SLC9A8: variants seen among roughly 807,000 people sequenced by gnomAD.
The protein encoded by SLC9A8 is solute carrier family 9 member A8.
In SLC9A8, 48 loss-of-function variants were observed where a neutral mutation model predicts 66.6. The ratio of observed to expected loss-of-function variants is 0.72; its 90% CI spans 0.57 to 0.92. The LOEUF is 0.92. Ranked by LOEUF, SLC9A8 falls within the 40% of genes least tolerant of loss-of-function variation. The probability of loss-of-function intolerance (pLI) is 0.00; values close to 1 mark genes in which losing one functional copy is unlikely to be tolerated. For missense variants in SLC9A8, 599 were observed against 747.3 expected (o/e 0.80, Z 2.31); for synonymous variants, 274 against 282.6 (o/e 0.97, Z 0.31).
Position 49,890,909 on chromosome 20 carries a change from TG to T in SLC9A8, c.*2974del, listed in dbSNP as rs1332971300. The T allele has an allele frequency of 6.6e-6, 1 of 152,244 alleles. No individual in the cohort carries two copies. The highest frequency in any genetic ancestry group is 2.4e-5 in the African/African-American group (1 of 41,470). The allele number at this position is 152,244 out of a possible 1,614,324, so 9.4% of individuals were successfully genotyped here. On this transcript the variant is annotated 3_prime_UTR_variant, in exon 16 of 16. Coordinates refer to ENST00000361573, the MANE Select transcript of SLC9A8 (RefSeq NM_015266.3). ...CCCAGGTTAGCCCACAGGATTCCTTTGTGTGCCATGGAATGCTGAAAGATGG... is the reference window on the plus strand; with the variant it reads ...CCCAGGTTAGCCCACAGGATTCCTTTTGTGCCATGGAATGCTGAAAGATGG...
intron 2 of SLC9A8, among the ~76,000 whole-genome samples, chr20:49,818,818 A>T (rs999808122): frequency 6.6e-6 from 1 of 152,198 alleles, no homozygotes; most frequent in East Asian, 1.9e-4. Context: ...ATGGTGTTTT[A>T]AAAATTGCTG....
At chr20:49,823,756 G>A (rs576036045) in intron 3 of SLC9A8, among the ~76,000 whole-genome samples, 38 of 152,264 alleles carry the variant, frequency 2.5e-4, no homozygotes, top group East Asian at 1.2e-3. Context: ...GGGAATTTCC[G>A]TAAGTGTAAG....
At chr20:49,851,136 G>C (rs138554121) in intron 7 of SLC9A8, among the ~76,000 whole-genome samples, 1 of 152,190 alleles carries the variant, frequency 6.6e-6, no homozygotes, top group African/African-American at 2.4e-5. Context: ...GTGTGCACGC[G>C]TACACTGTAC....
intron 4 of SLC9A8, among the ~76,000 whole-genome samples, chr20:49,842,993 T>C (rs1004197392): frequency 4.6e-5 from 7 of 152,352 alleles, no homozygotes; most frequent in Middle Eastern, 3.4e-3. Flanking sequence ...TGCCTTGTTC[T>C]GTCTCTTACA....
In SLC9A8 at chr20:49,878,057, G is replaced by A; in HGVS notation, c.1152G>A (p.Trp384Ter). 6.3e-7 allele frequency: 1 copy of A among 1,580,548 alleles called. No individual in the cohort carries two copies. Among genetic ancestry groups the A allele is most frequent in the Non-Finnish European group, 8.6e-7 (1 of 1,165,556 alleles). Residue 384 changes from tryptophan to a stop codon, truncating the protein, a stop_gained, in exon 12 of 16, where the codon TGG becomes TGA. Transcript: ENST00000361573. LOFTEE classifies it high-confidence loss of function. ...AGTTTGAAATTTCCTTTGTCATCTG[G>A]TGCATAGTAAGTATTTTCCTTTTTT... ...PHKFEISFVI[W>*]CIVLVLFGRA...
intron 12 of SLC9A8, among the ~76,000 whole-genome samples, chr20:49,879,030 A>G (rs921382275): frequency 9.2e-5 from 14 of 152,192 alleles, no homozygotes; most frequent in African/African-American, 3.4e-4. Flanking sequence ...TCTCAAAAAA[A>G]AAAAGTATAA....
At chr20:49,863,214 G>A (rs2146675122) in intron 9 of SLC9A8, 147 bp downstream of exon 9, 1 of 668,904 alleles carries the variant, frequency 1.5e-6, no homozygotes, top group Non-Finnish European at 2.4e-6. Flanking sequence ...TTTTGTTTGA[G>A]AAACACTCTA....
intron 8 of SLC9A8, among the ~76,000 whole-genome samples, chr20:49,859,731 G>C (rs1220880191): frequency 6.6e-6 from 1 of 152,172 alleles, no homozygotes; most frequent in African/African-American, 2.4e-5. Context: ...TTCATTTTCA[G>C]CTTTGATTTG....
Position 49,888,492 on chromosome 20 carries a change from C to G in SLC9A8, c.*556C>G, listed in dbSNP as rs76508797. On this transcript the variant is annotated 3_prime_UTR_variant, in exon 16 of 16. Transcript: ENST00000361573. Reference sequence around the variant, plus strand: ...CTTCCTGTGCTCCCTCAGAGAGAAACGGAGTGACCTTTTGTCCTTTACCTG... The same window carrying G: ...CTTCCTGTGCTCCCTCAGAGAGAAAGGGAGTGACCTTTTGTCCTTTACCTG... 1 of 159,096 alleles carries G rather than the reference C, an allele frequency of 6.3e-6. No individual in the cohort carries two copies. Among genetic ancestry groups the G allele is most frequent in the Non-Finnish European group, 1.4e-5 (1 of 71,416 alleles). The allele number at this position is 159,096 out of a possible 1,614,324, so 9.9% of individuals were successfully genotyped here.
At chr20:49,822,967 AC>A (rs35589531) in intron 2 of SLC9A8, 93 bp from the exon 3 acceptor site, 21 of 971,304 alleles carry the variant, frequency 2.2e-5, no homozygotes, top group South Asian at 8.1e-5. Context: ...TTCTGTGAGG[AC>A]CCCCCCAGAA....
At chr20:49,824,342 G>T (rs566335579) in intron 3 of SLC9A8, among the ~76,000 whole-genome samples, 1 of 152,284 alleles carries the variant, frequency 6.6e-6, no homozygotes, top group Admixed American at 6.5e-5. Flanking sequence ...TAGTAAGATA[G>T]TCATAGAGCT....
At chr20:49,830,809 C>T in intron 3 of SLC9A8, 1 of 1,214,536 alleles carries the variant, frequency 8.2e-7, no homozygotes, top group East Asian at 2.3e-5. Context: ...GCCTAGGTGA[C>T]AGATCAGGCC....
intron 3 of SLC9A8, among the ~76,000 whole-genome samples, chr20:49,839,271 A>C (rs1188661112): frequency 6.6e-6 from 1 of 152,226 alleles, no homozygotes; most frequent in African/African-American, 2.4e-5. Flanking sequence ...AATCTTCACC[A>C]GGCAGAGTGT....
At chr20:49,832,452 A>G (rs1600669661) in intron 3 of SLC9A8, among the ~76,000 whole-genome samples, 2 of 152,206 alleles carry the variant, frequency 1.3e-5, no homozygotes, top group African/African-American at 2.4e-5. Flanking sequence ...GGGATGTTGC[A>G]TAAGAACAGG....
intron 6 of SLC9A8, among the ~76,000 whole-genome samples, chr20:49,850,271 C>A (rs999997871): frequency 3.3e-5 from 5 of 152,138 alleles, no homozygotes; most frequent in African/African-American, 1.2e-4. Context: ...ACCAAACATC[C>A]CTAGGAAGGT....
At chr20:49,828,119 C>T (rs1448377448) in intron 3 of SLC9A8, among the ~76,000 whole-genome samples, 1 of 145,216 alleles carries the variant, frequency 6.9e-6, no homozygotes, top group Non-Finnish European at 1.5e-5. Flanking sequence ...TCACTTTTGC[C>T]GCCCAGGCTG....
In SLC9A8 at chr20:49,884,132, C is replaced by G. The variant is rs2089733613; in HGVS notation, c.1491+66C>G. The G allele has an allele frequency of 2.1e-6, 3 of 1,433,152 alleles. No homozygotes were observed. In the South Asian group the frequency reaches 3.5e-5, roughly 17 times the overall value. 88.8% of individuals were successfully genotyped at this position (1,433,152 alleles called of 1,614,324 possible). A position where few individuals can be genotyped will look rare whatever the true frequency, so the allele number is the denominator to read the frequency against. ...CCTGCTACGCAGCTGGTGGTCCCCA[C>G]TGTCAGGAAATGGGGAGATGAGCCT... On this transcript the variant is annotated intron_variant, in intron 14 of 15. Coordinates refer to ENST00000361573, the MANE Select transcript of SLC9A8 (RefSeq NM_015266.3).
At chr20:49,825,936 C>G (rs1265995484) in intron 3 of SLC9A8, among the ~76,000 whole-genome samples, 2 of 152,182 alleles carry the variant, frequency 1.3e-5, no homozygotes, top group African/African-American at 4.8e-5. Flanking sequence ...CCAAAAGTTG[C>G]AGGATGAACT....
chr20:49,875,932 G>C (rs1396854790), intron 11 of SLC9A8, among the ~76,000 whole-genome samples: 1 of 152,032 alleles, frequency 6.6e-6, no homozygotes, highest in African/African-American at 2.4e-5. Context: ...GTAGAGACAG[G>C]GTTTCACCGT....
Sources: allele counts gnomAD v4.1 joint callset (sites outside exome capture counted in the v4.1 genomes callset), GRCh38; gene constraint gnomAD v4.1.1; transcripts MANE v1.5; gene names NCBI Gene and HGNC (gene_info 2026-07-23, HGNC 2026-07-21).